SYN2: variants seen among roughly 807,000 people sequenced by gnomAD.
SYN2 encodes the protein synapsin II.
SYN2 carries 19 observed loss-of-function variants against 50.9 expected under a neutral mutation model. The ratio of observed to expected loss-of-function variants is 0.37; its 90% CI spans 0.26 to 0.55. The LOEUF (loss-of-function observed/expected upper bound fraction) is 0.55, where lower values mean the gene tolerates loss of function less well. Ranked by LOEUF, SYN2 falls within the 20% of genes least tolerant of loss-of-function variation. The pLI, the probability that SYN2 is intolerant of heterozygous loss-of-function variation, is 0.81. For synonymous variants in SYN2, 255 were observed against 224.9 expected (o/e 1.13, Z -1.20); for missense variants, 587 against 576.4 (o/e 1.02, Z -0.19).
At chr3:12,153,428 A>G in intron 5 of SYN2, 1 of 1,460,426 alleles carries the variant, frequency 6.8e-7, no homozygotes, top group Non-Finnish European at 9.6e-7. Context: ...GCAAGAGGTC[A>G]GGTGGTAATG....
chr3:12,159,006 G>T (rs893256272), intron 5 of SYN2: 11 of 982,946 alleles, frequency 1.1e-5, no homozygotes, highest in South Asian at 7.4e-5. Flanking sequence ...TAGGCCACCC[G>T]CGGAGGCAGG....
chr3:12,013,684 A>G (rs1244089649), intron 1 of SYN2, among the ~76,000 whole-genome samples: 2 of 152,166 alleles, frequency 1.3e-5, no homozygotes, highest in African/African-American at 2.4e-5. Context: ...TGCAAGTCTC[A>G]TCATGATTTC....
At chr3:12,170,455 G>A (rs781067927) in intron 10 of SYN2, among the ~76,000 whole-genome samples, 2 of 152,218 alleles carry the variant, frequency 1.3e-5, no homozygotes, top group South Asian at 2.1e-4. Context: ...TCAGTTGGCT[G>A]TAGTGCATGA....
At chr3:12,130,409 A>G (rs1026833412) in intron 1 of SYN2, among the ~76,000 whole-genome samples, 1 of 152,128 alleles carries the variant, frequency 6.6e-6, no homozygotes, top group African/African-American at 2.4e-5. Flanking sequence ...ATAAGTTTCA[A>G]TCTGAGTCCA....
chr3:12,025,344 A>G (rs1457942039), intron 1 of SYN2, among the ~76,000 whole-genome samples: 1 of 152,196 alleles, frequency 6.6e-6, no homozygotes, highest in East Asian at 1.9e-4. Context: ...AAAGGCTTTT[A>G]TGTTATAGGA....
chr3:12,186,318 C>T (rs1034455800), intron 11 of SYN2, among the ~76,000 whole-genome samples: 2 of 152,112 alleles, frequency 1.3e-5, no homozygotes, highest in African/African-American at 2.4e-5. Flanking sequence ...GATTTCTAAG[C>T]GTTGGGACCC....
intron 7 of SYN2, 54 bp from the exon 8 acceptor site, chr3:12,167,180 C>G: frequency 1.3e-6 from 2 of 1,571,284 alleles, no homozygotes; most frequent in Admixed American, 1.8e-5. Flanking sequence ...TGCATGCCCT[C>G]CTCTTGCTGG....
At chr3:12,054,666 CTT>C (rs34636626) in intron 1 of SYN2, among the ~76,000 whole-genome samples, 3 of 141,208 alleles carry the variant, frequency 2.1e-5, no homozygotes, top group Non-Finnish European at 3.1e-5. Flanking sequence ...CATCCTGGGA[CTT>C]TTTTTTTTTT....
intron 5 of SYN2, chr3:12,157,309 C>T (rs1697486341): frequency 9.2e-6 from 13 of 1,414,680 alleles, no homozygotes; most frequent in Non-Finnish European, 1.2e-5. Context: ...CTGAAAGCTA[C>T]CAGCCCTCCC....
intron 1 of SYN2, among the ~76,000 whole-genome samples, chr3:12,041,393 T>C (rs1694606113): frequency 6.6e-6 from 1 of 152,212 alleles, no homozygotes; most frequent in Non-Finnish European, 1.5e-5. Context: ...TACATTGGAA[T>C]AGAGCTTGCC....
rs562636296 is a variant in SYN2 at position 12,074,267 on chromosome 3, A to G, written c.378-66384A>G. Among the ~76,000 whole-genome samples, 4 of 152,234 alleles carry G rather than the reference A, an allele frequency of 2.6e-5. No individual in the cohort carries two copies. In the South Asian group the frequency reaches 6.2e-4, roughly 24 times the overall value. ...AAACAGCCTATAAATGAATTTTCAA[A>G]ATCAATCTGACAGTATTTGTCTTAA... On this transcript the variant is annotated intron_variant, in intron 1 of 12. Coordinates refer to ENST00000621198, the MANE Select transcript of SYN2 (RefSeq NM_133625.6).
intron 5 of SYN2, chr3:12,159,032 G>T: frequency 1.4e-6 from 1 of 706,982 alleles, no homozygotes; most frequent in Non-Finnish European, 2.2e-6. Flanking sequence ...AGGCTCTTCC[G>T]ACCTGCATAC....
chr3:12,075,419 C>T (rs955860277), intron 1 of SYN2, among the ~76,000 whole-genome samples: 2 of 152,070 alleles, frequency 1.3e-5, no homozygotes, highest in African/African-American at 4.8e-5. Context: ...AGGAAAATTA[C>T]TTTGAGTACA....
Position 12,187,423 on chromosome 3 carries a change from G to T in SYN2, c.1424G>T (p.Arg475Leu), listed in dbSNP as rs368453740. The change falls in exon 12 of 13, where the codon CGC becomes CTC. Residue 475 changes from arginine to leucine, a missense_variant. Physicochemically the swap from Arg to Leu is moderately radical, Grantham distance 102 (BLOSUM62 -2). Coordinates refer to ENST00000621198, the MANE Select transcript of SYN2 (RefSeq NM_133625.6). ...CCCCCAGGCAAGGTGCTGCCTCCAC[G>T]CCGGCTCCCCCCTGGACCATCACTG... ...MQPPGKVLPPRRLPPGPSLPP... is the reference protein window; with the variant it reads ...MQPPGKVLPPLRLPPGPSLPP... 2.2e-4 allele frequency: 344 copies of T among 1,551,770 alleles called. No individual in the cohort carries two copies. The highest frequency in any genetic ancestry group is 2.9e-4 in the Non-Finnish European group (330 of 1,146,900).
rs539457553 is a variant in SYN2 at position 12,147,606 on chromosome 3, C to T, written c.684+1771C>T. On this transcript the variant is annotated intron_variant, in intron 4 of 12. Transcript: ENST00000621198. Reference sequence around the variant, plus strand: ...CCTACGGCACACGTGTCCTAACCCACGTGCACCCCCGGTACTTGTCAGAAT... The same window carrying T: ...CCTACGGCACACGTGTCCTAACCCATGTGCACCCCCGGTACTTGTCAGAAT... 1.1e-4 allele frequency among the ~76,000 whole-genome samples: 16 copies of T among 152,314 alleles called. No homozygotes were observed. The South Asian group carries it at 2.7e-3, about 26-fold the overall frequency.
intron 1 of SYN2, among the ~76,000 whole-genome samples, chr3:12,014,497 A>G (rs1045175607): frequency 2.2e-4 from 33 of 152,334 alleles, no homozygotes; most frequent in Non-Finnish European, 4.9e-4. Flanking sequence ...TGAATGAGAG[A>G]GCCATAGCAG....
rs568309822 is a variant in SYN2, at chr3:12,132,541, C to T, written c.378-8110C>T. 4.6e-5 allele frequency among the ~76,000 whole-genome samples: 7 copies of T among 152,292 alleles called. No individual in the cohort carries two copies. The East Asian group carries it at 1.2e-3, about 25-fold the overall frequency. ...GTGTTTGTTTTTTCTTTCCCTCCTC[C>T]TCCACACCCATGTGTTGCCTTTGTA... On this transcript the variant is annotated intron_variant, in intron 1 of 12. Transcript: ENST00000621198.
At chr3:12,041,734 A>G (rs567297553) in intron 1 of SYN2, among the ~76,000 whole-genome samples, 1 of 152,280 alleles carries the variant, frequency 6.6e-6, no homozygotes, top group Admixed American at 6.5e-5. Context: ...CCATTCAGAT[A>G]ACCTCTAGTT....
chr3:12,019,791 C>T, intron 1 of SYN2, among the ~76,000 whole-genome samples: 1 of 152,078 alleles, frequency 6.6e-6, no homozygotes, highest in South Asian at 2.1e-4. Flanking sequence ...GTATAATTTC[C>T]TGCTTAGATT....
Sources: allele counts gnomAD v4.1 joint callset (sites outside exome capture counted in the v4.1 genomes callset), GRCh38; gene constraint gnomAD v4.1.1; transcripts MANE v1.5; gene names NCBI Gene and HGNC (gene_info 2026-07-23, HGNC 2026-07-21).